Variants in C1orf94 observed in about 807,000 individuals in gnomAD.
C1orf94 encodes the protein chromosome 1 open reading frame 94.
In C1orf94, 45 loss-of-function variants were observed where a neutral mutation model predicts 53.6. The ratio of observed to expected loss-of-function variants is 0.84; its 90% CI spans 0.66 to 1.08. C1orf94 has a LOEUF of 1.08. Among genes scored for constraint, C1orf94 ranks in the 50% least tolerant of loss-of-function variants. The pLI is 0.00. For synonymous variants in C1orf94, 304 were observed against 296.1 expected (o/e 1.03, Z -0.27); for missense variants, 762 against 738.9 (o/e 1.03, Z -0.36).
At chr1:34,178,241 C>T in intron 1 of C1orf94, 132 bp downstream of exon 1, 1 of 973,456 alleles carries the variant, frequency 1.0e-6, no homozygotes. Flanking sequence ...CCTCCATGGT[C>T]CTTTGTCCAA....
chr1:34,196,447 G>C (rs1414979163), intron 1 of C1orf94, among the ~76,000 whole-genome samples: 1 of 152,164 alleles, frequency 6.6e-6, no homozygotes, highest in Admixed American at 6.5e-5. Flanking sequence ...CCAGTCCAGA[G>C]GCTGTGATCG....
intron 1 of C1orf94, among the ~76,000 whole-genome samples, chr1:34,180,837 C>A (rs1361007618): frequency 6.6e-6 from 1 of 152,134 alleles, no homozygotes; most frequent in East Asian, 1.9e-4. Context: ...TTCTACAATT[C>A]TTTTTGGCCA....
rs113354683 is a variant in C1orf94 at position 34,197,041 on chromosome 1, G to T, written c.321-184G>T. ...TTTTCAAAACCATGCTCTCAGTGCT[G>T]CATCCTACCGCTGTGGTATAGGACC... On this transcript the variant is annotated intron_variant, in intron 1 of 6. Coordinates refer to ENST00000488417, the MANE Select transcript of C1orf94 (RefSeq NM_001134734.2). The surrounding 1 kb of genome is among the most constrained non-coding windows in gnomAD (Gnocchi z 4.1). 6.6e-6 allele frequency among the ~76,000 whole-genome samples: 1 copy of T among 152,204 alleles called. No individual in the cohort carries two copies. Among genetic ancestry groups the T allele is most frequent in the African/African-American group, 2.4e-5 (1 of 41,440 alleles).
intron 1 of C1orf94, among the ~76,000 whole-genome samples, chr1:34,184,289 G>T (rs1049951648): frequency 6.6e-6 from 1 of 152,186 alleles, no homozygotes; most frequent in Non-Finnish European, 1.5e-5. Flanking sequence ...CCCAGCAGCA[G>T]GCGCAGGGAA....
At position 34,200,293 on chromosome 1, in the gene C1orf94, G is replaced by A. The variant is rs114168428; in HGVS notation, c.1010-479G>A. ...CTGTGTCCACAACATCCTTGTTTTC[G>A]CAGCCTGGCACTATGGATGGTTGGA... On this transcript the variant is annotated intron_variant, in intron 2 of 6. Transcript: ENST00000488417. Among the ~76,000 whole-genome samples, 1,243 of 152,268 alleles carry A rather than the reference G, an allele frequency of 8.2e-3. 14 individuals are homozygous for A. The highest frequency in any genetic ancestry group is 0.027 in the African/African-American group (1,135 of 41,534).
At chr1:34,180,491 C>A (rs1642296729) in intron 1 of C1orf94, among the ~76,000 whole-genome samples, 1 of 152,224 alleles carries the variant, frequency 6.6e-6, no homozygotes, top group Non-Finnish European at 1.5e-5. Context: ...TTACAGATAA[C>A]GTGGCTGAGG....
chr1:34,188,871 A>T (rs1448899245), intron 1 of C1orf94, among the ~76,000 whole-genome samples: 1 of 152,116 alleles, frequency 6.6e-6, no homozygotes. Flanking sequence ...CTGGTACCGC[A>T]ACTGAATGAA....
At chr1:34,187,351 C>A (rs1447313822) in intron 1 of C1orf94, among the ~76,000 whole-genome samples, 3 of 152,138 alleles carry the variant, frequency 2.0e-5, no homozygotes, top group Non-Finnish European at 4.4e-5. Context: ...ACCATGGGCC[C>A]TTCCGAATAG....
At chr1:34,191,914 T>C (rs866511862) in intron 1 of C1orf94, among the ~76,000 whole-genome samples, 2 of 152,270 alleles carry the variant, frequency 1.3e-5, no homozygotes, top group African/African-American at 4.8e-5. Flanking sequence ...GCAGAAATAA[T>C]GCACAGCATC....
chr1:34,190,934 A>G (rs1478933), intron 1 of C1orf94, among the ~76,000 whole-genome samples: 20,635 of 152,026 alleles, frequency 0.14, 1,962 homozygotes, highest in African/African-American at 0.27. Flanking sequence ...TTCAGCTGGG[A>G]GGTTCTTCCG....
upstream of C1orf94, among the ~76,000 whole-genome samples, chr1:34,172,218 T>C (rs1642154696): frequency 6.6e-6 from 1 of 152,194 alleles, no homozygotes; most frequent in Admixed American, 6.5e-5. Context: ...AATTCTGACT[T>C]TGTTTCTACC....
At chr1:34,170,952 G>C (rs1238925722) in intron 1 of C1orf94, among the ~76,000 whole-genome samples, 1 of 152,182 alleles carries the variant, frequency 6.6e-6, no homozygotes, top group Non-Finnish European at 1.5e-5. Flanking sequence ...TATGTTTCAG[G>C]TTACTTACAA....
upstream of C1orf94, among the ~76,000 whole-genome samples, chr1:34,174,775 C>T (rs148966001): frequency 1.1e-4 from 17 of 152,304 alleles, no homozygotes; most frequent in East Asian, 5.8e-4. Context: ...CTGTGGACTT[C>T]GTTATGGTAG....
At chr1:34,205,758 G>C (rs1642781829) in intron 4 of C1orf94, among the ~76,000 whole-genome samples, 1 of 152,118 alleles carries the variant, frequency 6.6e-6, no homozygotes, top group Non-Finnish European at 1.5e-5. Flanking sequence ...TTAGCACTGG[G>C]AATAAAGATA....
chr1:34,205,045 G>T (rs2148620416), intron 4 of C1orf94, among the ~76,000 whole-genome samples: 1 of 152,310 alleles, frequency 6.6e-6, no homozygotes, highest in Non-Finnish European at 1.5e-5. Context: ...AATTTGCAAT[G>T]GTTTGCTTTA....
upstream of C1orf94, among the ~76,000 whole-genome samples, chr1:34,174,792 C>T (rs1367817381): frequency 2.0e-5 from 3 of 152,170 alleles, no homozygotes; most frequent in Admixed American, 6.5e-5. Context: ...GTAGCCCTAC[C>T]AAACTAATAC....
chr1:34,218,578 A>C, intron 6 of C1orf94, 108 bp from the exon 7 acceptor site: 1 of 823,410 alleles, frequency 1.2e-6, no homozygotes, highest in South Asian at 2.6e-5. Context: ...CAAGCCTGTC[A>C]TGGTCTTCAC....
In C1orf94 at chr1:34,212,345, C is replaced by T. The variant is rs758727588; in HGVS notation, c.1660C>T (p.Pro554Ser). 9.9e-6 allele frequency: 16 copies of T among 1,613,886 alleles called. No homozygotes were observed. The highest frequency in any genetic ancestry group is 3.3e-4 in the Middle Eastern group (2 of 6,080). ...QRTPPKMSAN[P>S]RDPPLMAGDG... ...GACACCTCCAAAGATGTCTGCCAACCCCCGAGACCCTCCCCTAATGGCAGG... is the reference window on the plus strand; with the variant it reads ...GACACCTCCAAAGATGTCTGCCAACTCCCGAGACCCTCCCCTAATGGCAGG... The change falls in exon 6 of 7, where the codon CCC (proline) becomes TCC (serine). Residue 554 changes from proline (P) to serine (S), a missense_variant. Transcript: ENST00000488417.
At position 34,197,346 on chromosome 1, in the gene C1orf94, G is replaced by A. The variant is rs575890429; in HGVS notation, c.442G>A (p.Gly148Ser). 1,439 of 1,598,232 alleles carry A rather than the reference G, an allele frequency of 9.0e-4. 15 individuals carry two copies. The South Asian group carries it at 0.012, about 13-fold the overall frequency. Residue 148 changes from glycine (G) to serine (S), a missense_variant, in exon 2 of 7, where the codon GGC (glycine) becomes AGC (serine). Transcript: ENST00000488417. The surrounding 1 kb of genome is among the most constrained non-coding windows in gnomAD (Gnocchi z 4.1). ...GAGTTCTGGGGAGCTGGAGGTACCC[G>A]GCAGCTCTCCCGAGGGGACCAGAGA... ...EESSGELEVP[G>S]SSPEGTRELA...
Sources: allele counts gnomAD v4.1 joint callset (sites outside exome capture counted in the v4.1 genomes callset), GRCh38; gene constraint gnomAD v4.1.1; non-coding constraint Gnocchi (gnomAD v3.1); transcripts MANE v1.5; gene names NCBI Gene and HGNC (gene_info 2026-07-23, HGNC 2026-07-21).